The following WIPF2 variants were observed in gnomAD, a reference collection of about 807,000 sequenced individuals.
WIPF2 encodes the protein WAS/WASL-interacting protein family member 2.
WIPF2 carries 23 observed loss-of-function variants against 38.8 expected under a neutral mutation model. That is an observed-to-expected ratio of 0.59 (90% CI 0.43 to 0.84). The LOEUF (loss-of-function observed/expected upper bound fraction) is 0.84. Ranked by LOEUF, WIPF2 falls within the 40% of genes least tolerant of loss-of-function variation. WIPF2 has a pLI of 0.00. For synonymous variants in WIPF2, 210 were observed against 223.2 expected (o/e 0.94, Z 0.53); for missense variants, 574 against 580.5 (o/e 0.99, Z 0.11).
intron 7 of WIPF2, 29 bp downstream of exon 7, chr17:40,277,213 A>G (rs1347492391): frequency 1.9e-6 from 3 of 1,544,032 alleles, no homozygotes; most frequent in East Asian, 2.3e-5. Flanking sequence ...AGGTTTTTCC[A>G]TAATTGCATA....
intron 1 of WIPF2, among the ~76,000 whole-genome samples, chr17:40,243,301 T>C (rs1214813882): frequency 6.6e-6 from 1 of 152,136 alleles, no homozygotes; most frequent in Non-Finnish European, 1.5e-5. Context: ...CCCCCACTGC[T>C]AAATTTGACT....
At chr17:40,265,263 T>G in intron 5 of WIPF2, 117 bp downstream of exon 5, 1 of 1,264,096 alleles carries the variant, frequency 7.9e-7, no homozygotes, top group Non-Finnish European at 1.1e-6. Flanking sequence ...ATTGAGTACC[T>G]TTTTATGTGT....
At chr17:40,238,451 C>T (rs753040634) in intron 1 of WIPF2, among the ~76,000 whole-genome samples, 8 of 150,448 alleles carry the variant, frequency 5.3e-5, no homozygotes, top group Non-Finnish European at 1.2e-4. Context: ...TTACAGGCAC[C>T]CGCCATCATG....
intron 5 of WIPF2, chr17:40,273,481 A>G (rs746401704): frequency 2.5e-5 from 8 of 316,730 alleles, no homozygotes; most frequent in Non-Finnish European, 4.6e-5. Flanking sequence ...AGGCTTTTGC[A>G]GTAGAGAACA....
chr17:40,246,094 T>A (rs1386036647), intron 1 of WIPF2, among the ~76,000 whole-genome samples: 1 of 126,710 alleles, frequency 7.9e-6, no homozygotes, highest in Non-Finnish European at 1.7e-5. Flanking sequence ...AATGCTACTC[T>A]TTTTTTTTTT....
chr17:40,253,688 C>T (rs1446818265), intron 1 of WIPF2, among the ~76,000 whole-genome samples: 2 of 152,194 alleles, frequency 1.3e-5, no homozygotes, highest in African/African-American at 2.4e-5. Flanking sequence ...TGAGTACAGA[C>T]ACCATTCCCC....
At chr17:40,247,425 G>C (rs1173846778) in intron 1 of WIPF2, among the ~76,000 whole-genome samples, 1 of 148,694 alleles carries the variant, frequency 6.7e-6, no homozygotes, top group African/African-American at 2.5e-5. Context: ...CACCATGTTG[G>C]CCAGGCTAGT....
At chr17:40,241,178 G>A (rs1014147532) in intron 1 of WIPF2, among the ~76,000 whole-genome samples, 2 of 152,058 alleles carry the variant, frequency 1.3e-5, no homozygotes, top group East Asian at 1.9e-4. Context: ...GTGCTTGTTG[G>A]ATATACAGAT....
intron 5 of WIPF2, among the ~76,000 whole-genome samples, chr17:40,266,470 T>C (rs867536697): frequency 6.6e-6 from 1 of 152,164 alleles, no homozygotes; most frequent in Non-Finnish European, 1.5e-5. Context: ...CTTAGTATCA[T>C]GGGACCCTTT....
rs200688892 is a variant in WIPF2, at chr17:40,260,627, G to C, written c.156G>C (p.Lys52Asn). 8.2e-5 allele frequency: 133 copies of C among 1,613,890 alleles called. 2 individuals carry two copies. In the Admixed American group the frequency reaches 1.9e-3, roughly 23 times the overall value. ...QDICKGTKLK[K>N]VTNINDRSAP... ...TTTGCAAAGGGACCAAGCTGAAGAAGGTGACCAACATTAATGATCGGAGTG... is the reference window on the plus strand; with the variant it reads ...TTTGCAAAGGGACCAAGCTGAAGAACGTGACCAACATTAATGATCGGAGTG... Residue 52 changes from lysine (K) to asparagine (N), a missense_variant, in exon 3 of 8, where the codon AAG (lysine) becomes AAC (asparagine). Transcript: ENST00000323571.
chr17:40,251,402 A>G (rs1234964171), intron 1 of WIPF2, among the ~76,000 whole-genome samples: 1 of 151,600 alleles, frequency 6.6e-6, no homozygotes, highest in Admixed American at 6.6e-5. Context: ...ATTAGCGATT[A>G]TAAGTCTCAG....
At chr17:40,244,835 G>C (rs1334965816) in intron 1 of WIPF2, among the ~76,000 whole-genome samples, 2 of 152,124 alleles carry the variant, frequency 1.3e-5, no homozygotes, top group Non-Finnish European at 2.9e-5. Flanking sequence ...TTCCCCAGAT[G>C]TTTACATGGC....
intron 1 of WIPF2, chr17:40,220,574 T>TGTATATATATATATATATAC (rs2030143388): frequency 1.8e-4 from 1 of 5,572 alleles, no homozygotes; most frequent in African/African-American, 4.5e-4. Context: ...TGTGTGTGTG[T>TGTATATATATATATATATAC]ATATATATAT....
intron 2 of WIPF2, among the ~76,000 whole-genome samples, chr17:40,257,443 G>T (rs1022419989): frequency 6.6e-6 from 1 of 152,128 alleles, no homozygotes; most frequent in Non-Finnish European, 1.5e-5. Context: ...AGGAAAAAAA[G>T]CAATGTGATT....
chr17:40,248,932 A>G (rs1034156947), intron 1 of WIPF2, among the ~76,000 whole-genome samples: 2 of 152,144 alleles, frequency 1.3e-5, no homozygotes, highest in African/African-American at 4.8e-5. Context: ...TATTCATATG[A>G]CTGATTCTTG....
At chr17:40,225,651 C>T (rs747962152) in intron 1 of WIPF2, among the ~76,000 whole-genome samples, 70 of 152,024 alleles carry the variant, frequency 4.6e-4, no homozygotes, top group Non-Finnish European at 8.2e-4. Flanking sequence ...TGGGATGGAT[C>T]GTGAAGATCA....
intron 1 of WIPF2, among the ~76,000 whole-genome samples, chr17:40,225,819 A>G (rs2030458415): frequency 6.6e-6 from 1 of 151,772 alleles, no homozygotes; most frequent in Non-Finnish European, 1.5e-5. Context: ...ACTATGCCTC[A>G]CTAATTTTTA....
rs2031864568 is a variant in WIPF2 at position 40,260,563 on chromosome 17, G to A, written c.92G>A (p.Arg31Lys). Residue 31 changes from arginine (R) to lysine (K), a missense_variant, in exon 3 of 8, where the codon AGA becomes AAA. Arg to Lys is a conservative substitution (Grantham distance 26). Transcript: ENST00000323571. The part of the protein sequence containing the change: ...QANTEQPKLS[R>K]DEQRGRGALL... ...AACACAGAGCAGCCCAAGCTGAGTA[G>A]AGATGAGCAGCGGGGTCGAGGCGCC... 1 of 1,613,932 alleles carries A rather than the reference G, an allele frequency of 6.2e-7. No homozygotes were observed.
At chr17:40,231,409 C>G (rs1332238430) in intron 1 of WIPF2, among the ~76,000 whole-genome samples, 1 of 149,378 alleles carries the variant, frequency 6.7e-6, no homozygotes, top group Non-Finnish European at 1.5e-5. Flanking sequence ...TCTGACTGTT[C>G]TCTGTGCTTT....
Sources: allele counts gnomAD v4.1 joint callset (sites outside exome capture counted in the v4.1 genomes callset), GRCh38; gene constraint gnomAD v4.1.1; transcripts MANE v1.5; gene names NCBI Gene and HGNC (gene_info 2026-07-23, HGNC 2026-07-21).